TSPAN14: variants seen among roughly 807,000 people sequenced by gnomAD.
The protein encoded by TSPAN14 is tetraspanin-14.
Under a neutral mutation model 36.6 loss-of-function variants are expected in TSPAN14, and 16 were observed. That is an observed-to-expected ratio of 0.44 (90% CI 0.30 to 0.66). TSPAN14 has a LOEUF of 0.66. Ranked by LOEUF, TSPAN14 falls within the 30% of genes least tolerant of loss-of-function variation. The probability of loss-of-function intolerance (pLI) is 0.12; values close to 1 mark genes in which losing one functional copy is unlikely to be tolerated. For synonymous variants in TSPAN14, 139 were observed against 143.8 expected (o/e 0.97, Z 0.24); for missense variants, 231 against 355.1 (o/e 0.65, Z 2.81).
At position 80,476,525 on chromosome 10, in the gene TSPAN14, C is replaced by T. The variant is rs531534426; in HGVS notation, c.-17-12692C>T. On this transcript the variant is annotated intron_variant, in intron 1 of 8. Coordinates refer to ENST00000429989, the Ensembl canonical transcript of TSPAN14. ...CCGCCTCCCGGGTTCACGCCATTCT[C>T]CTGTCTCAGCCTCCCGAGTAGCTGG... Among the ~76,000 whole-genome samples, 218 of 148,612 alleles carry T rather than the reference C, an allele frequency of 1.5e-3. 1 individual carries two copies. The highest frequency in any genetic ancestry group is 5.1e-3 in the African/African-American group (202 of 39,976).
chr10:80,476,630 T>C (rs945861919), intron 1 of TSPAN14, among the ~76,000 whole-genome samples: 1 of 151,962 alleles, frequency 6.6e-6, no homozygotes, highest in Non-Finnish European at 1.5e-5. Context: ...TTAGCCAAGA[T>C]GGTCTCGATA....
chr10:80,491,749 A>T (rs539939660), intron 2 of TSPAN14, among the ~76,000 whole-genome samples: 1 of 152,100 alleles, frequency 6.6e-6, no homozygotes, highest in Non-Finnish European at 1.5e-5. Context: ...CAGATTTGGC[A>T]ATGTGTGTTG....
exon 9 of TSPAN14, chr10:80,519,616 ATATCTT>A (rs1230675658): frequency 6.6e-6 from 1 of 151,120 alleles, no homozygotes; most frequent in African/African-American, 2.5e-5. Context: ...TTTATGGAAT[ATATCTT>A]TATATTAATG....
rs866702037 is a variant in TSPAN14, at chr10:80,481,331, G to T, written c.-17-7886G>T. 4.6e-4 allele frequency among the ~76,000 whole-genome samples: 70 copies of T among 152,250 alleles called. No individual in the cohort carries two copies. In the Middle Eastern group the frequency reaches 0.01, roughly 22 times the overall value. The stretch of plus-strand genomic sequence containing the variant: ...AAGAAATAGAAATAAAACATCAGAT[G>T]TGAAAAAACTCAGGGTAGATTTAGA... On this transcript the variant is annotated intron_variant, in intron 1 of 8. Coordinates refer to ENST00000429989, the Ensembl canonical transcript of TSPAN14.
chr10:80,505,222 G>A (rs1030065891), intron 3 of TSPAN14, among the ~76,000 whole-genome samples: 1 of 152,208 alleles, frequency 6.6e-6, no homozygotes. Flanking sequence ...GCAGGGGTGG[G>A]CCTTTAAGCA....
At chr10:80,473,715 T>C (rs1331855508) in intron 1 of TSPAN14, among the ~76,000 whole-genome samples, 1 of 151,564 alleles carries the variant, frequency 6.6e-6, no homozygotes, top group Non-Finnish European at 1.5e-5. Context: ...TTAAAGTTTT[T>C]TTTTTTCTTT....
chr10:80,458,913 G>A (rs1845850598), intron 1 of TSPAN14, among the ~76,000 whole-genome samples: 1 of 151,952 alleles, frequency 6.6e-6, no homozygotes, highest in African/African-American at 2.4e-5. Flanking sequence ...CGGTGGTGAG[G>A]CAAGCTTTCA....
intron 2 of TSPAN14, among the ~76,000 whole-genome samples, chr10:80,495,483 G>A (rs1195352651): frequency 1.3e-5 from 2 of 152,154 alleles, no homozygotes; most frequent in Non-Finnish European, 2.9e-5. Context: ...TGGTGCTGAT[G>A]CCTGCATGGC....
chr10:80,519,599 A>G (rs1458226773), exon 9 of TSPAN14: 1 of 151,392 alleles, frequency 6.6e-6, no homozygotes, highest in Non-Finnish European at 1.5e-5. Flanking sequence ...TTTGACTGCC[A>G]AACTCTTTTA....
chr10:80,507,439 T>C, intron 4 of TSPAN14, 65 bp downstream of exon 4: 1 of 1,607,614 alleles, frequency 6.2e-7, no homozygotes. Flanking sequence ...CTGGGCAGGA[T>C]TATATGTTAC....
chr10:80,479,687 T>C (rs1482018140), intron 1 of TSPAN14, among the ~76,000 whole-genome samples: 1 of 152,168 alleles, frequency 6.6e-6, no homozygotes, highest in African/African-American at 2.4e-5. Context: ...GCTGTTTTGG[T>C]TACTGTAGCC....
chr10:80,495,304 C>A (rs1177892502), intron 2 of TSPAN14, among the ~76,000 whole-genome samples: 1 of 151,854 alleles, frequency 6.6e-6, no homozygotes, highest in Non-Finnish European at 1.5e-5. Context: ...ACGACTGCCC[C>A]AATTCATAGG....
At chr10:80,519,063 C>T (rs1474560066) in exon 9 of TSPAN14, 2 of 152,910 alleles carry the variant, frequency 1.3e-5, no homozygotes, top group Admixed American at 6.5e-5. Flanking sequence ...CACTGCAAGC[C>T]CAGGGAGCCC....
At chr10:80,467,684 T>A (rs72819580) in intron 1 of TSPAN14, among the ~76,000 whole-genome samples, 3,479 of 152,320 alleles carry the variant, frequency 0.023, 51 homozygotes, top group Middle Eastern at 0.041. Flanking sequence ...TGGGCATTTC[T>A]TCCTCAGGTT....
At chr10:80,489,653 G>A (rs1847817949) in intron 2 of TSPAN14, among the ~76,000 whole-genome samples, 2 of 152,234 alleles carry the variant, frequency 1.3e-5, no homozygotes, top group Admixed American at 1.3e-4. Flanking sequence ...TACTTTGTGT[G>A]CATCTGACTA....
Position 80,475,881 on chromosome 10 carries a change from G to A in TSPAN14, c.-17-13336G>A, listed in dbSNP as rs148674185. On this transcript the variant is annotated intron_variant, in intron 1 of 8. Transcript: ENST00000429989. Reference sequence around the variant, plus strand: ...ATTACAGGCATGAGCCGTGGTGCCCGGCCTCCCCATCCTTTTTATACAGTC... The same window carrying A: ...ATTACAGGCATGAGCCGTGGTGCCCAGCCTCCCCATCCTTTTTATACAGTC... 7.2e-5 allele frequency among the ~76,000 whole-genome samples: 11 copies of A among 152,080 alleles called. No homozygotes were observed. The East Asian group carries it at 1.7e-3, about 24-fold the overall frequency.
intron 1 of TSPAN14, among the ~76,000 whole-genome samples, chr10:80,465,686 G>C (rs1361822126): frequency 3.3e-5 from 5 of 152,238 alleles, no homozygotes; most frequent in African/African-American, 7.2e-5. Context: ...AAGAGAGAGA[G>C]AGTTAGCCTC....
At position 80,482,477 on chromosome 10, in the gene TSPAN14, G is replaced by C. The variant is rs539823262; in HGVS notation, c.-17-6740G>C. Among the ~76,000 whole-genome samples the C allele has an allele frequency of 1.7e-3, 258 of 150,448 alleles. 17 individuals carry two copies. The highest frequency in any genetic ancestry group is 6.2e-3 in the African/African-American group (250 of 40,104). Reference sequence around the variant, plus strand: ...AATTTTTTGTATTTTTAGTAGAGACGGGGTTTCGCCATGTTGACCAGGCTG... The same window carrying C: ...AATTTTTTGTATTTTTAGTAGAGACCGGGTTTCGCCATGTTGACCAGGCTG... On this transcript the variant is annotated intron_variant, in intron 1 of 8. Transcript: ENST00000429989.
chr10:80,517,876 G>A lies in TSPAN14; in HGVS notation c.742-29G>A, dbSNP rs761898405. On this transcript the variant is annotated intron_variant, in intron 8 of 8. Coordinates refer to ENST00000429989, the Ensembl canonical transcript of TSPAN14. ...CCTCTGCCTTTGGGCCCCAGCAATG[G>A]CCGCTGACTCTGCTGGTGTTGGTTT... is the stretch of plus-strand genomic sequence containing the variant. 3.9e-6 allele frequency: 6 copies of A among 1,553,270 alleles called. No homozygotes were observed. The Admixed American group carries it at 5.9e-5, about 15-fold the overall frequency.
Sources: gnomAD v4.1 joint callset for allele counts (sites outside exome capture counted in the v4.1 genomes callset) on GRCh38, gnomAD v4.1.1 for gene constraint, MANE v1.5 for transcripts, NCBI Gene and HGNC (gene_info 2026-07-23, HGNC 2026-07-21) for gene names.